The following GULP1 variants were observed in gnomAD, a reference collection of about 807,000 sequenced individuals.
GULP1 encodes the protein GULP PTB domain containing engulfment adaptor 1, also known as PTB domain-containing engulfment adapter protein 1.
A neutral mutation model predicts 40.9 loss-of-function variants in GULP1; 19 were observed. The observed-to-expected ratio is 0.46, with a 90% confidence interval of 0.32 to 0.68. The LOEUF (loss-of-function observed/expected upper bound fraction) is 0.68. Among genes scored for constraint, GULP1 ranks in the 30% least tolerant of loss-of-function variants. The pLI is 0.03. For missense variants in GULP1, 312 were observed against 362.2 expected (o/e 0.86, Z 1.12); for synonymous variants, 119 against 117.6 (o/e 1.01, Z -0.08).
intron 7 of GULP1, among the ~76,000 whole-genome samples, chr2:188,549,496 C>T (rs1169890599): frequency 1.3e-5 from 2 of 151,590 alleles, no homozygotes; most frequent in African/African-American, 4.8e-5. Flanking sequence ...TCACCAAATG[C>T]TGGTAAGAAT....
At chr2:188,457,903 T>A (rs1039951126) in intron 2 of GULP1, among the ~76,000 whole-genome samples, 12 of 152,174 alleles carry the variant, frequency 7.9e-5, no homozygotes, top group African/African-American at 2.9e-4. Flanking sequence ...CATAAGGTCA[T>A]TATAATTGTA....
intron 1 of GULP1, among the ~76,000 whole-genome samples, chr2:188,312,755 T>TC (rs1387308234): frequency 1.3e-5 from 2 of 152,072 alleles, no homozygotes; most frequent in African/African-American, 4.8e-5. Flanking sequence ...TAATTTACAT[T>TC]CCCCCCAACA....
intron 1 of GULP1, among the ~76,000 whole-genome samples, chr2:188,320,095 T>C (rs2039745147): frequency 6.6e-6 from 1 of 152,112 alleles, no homozygotes; most frequent in South Asian, 2.1e-4. Flanking sequence ...TGTTGTCAAA[T>C]GTCCCTGGGA....
At chr2:188,326,543 A>G (rs368636858) in intron 1 of GULP1, among the ~76,000 whole-genome samples, 2 of 151,800 alleles carry the variant, frequency 1.3e-5, no homozygotes, top group East Asian at 1.9e-4. Context: ...TGCTGTTGTG[A>G]CTCTTATCAG....
intron 9 of GULP1, among the ~76,000 whole-genome samples, chr2:188,570,791 A>AT (rs1559391683): frequency 6.6e-6 from 1 of 152,106 alleles, no homozygotes; most frequent in Non-Finnish European, 1.5e-5. Context: ...AGGAAAAGAT[A>AT]TTTTTCTGTT....
intron 7 of GULP1, among the ~76,000 whole-genome samples, chr2:188,548,546 G>T (rs1467943306): frequency 6.6e-6 from 1 of 151,996 alleles, no homozygotes; most frequent in Non-Finnish European, 1.5e-5. Context: ...TTATAGCAAG[G>T]TTGTTTGTAG....
chr2:188,397,801 T>C (rs945753909), intron 2 of GULP1, among the ~76,000 whole-genome samples: 13 of 152,198 alleles, frequency 8.5e-5, no homozygotes, highest in Admixed American at 6.5e-4. Flanking sequence ...CAGAGCTGCC[T>C]TATGATATGG....
At chr2:188,444,420 A>C (rs1184571296) in intron 2 of GULP1, among the ~76,000 whole-genome samples, 3 of 152,232 alleles carry the variant, frequency 2.0e-5, no homozygotes, top group African/African-American at 7.2e-5. Flanking sequence ...TATTAAAAAA[A>C]CAAATTATAC....
rs754543929 is a variant in GULP1, at chr2:188,541,451, T to C, written c.399+133T>C. The C allele has an allele frequency of 2.3e-5, 18 of 784,122 alleles. No homozygotes were observed. In the South Asian group the frequency reaches 2.5e-4, roughly 11 times the overall value. The allele number at this position is 784,122 out of a possible 1,614,324, so 48.6% of individuals were successfully genotyped here. A position where few individuals can be genotyped will look rare whatever the true frequency, so the allele number is the denominator to read the frequency against. On this transcript the variant is annotated intron_variant, in intron 7 of 11. Transcript: ENST00000409830. ...TATTCTGTAAAAAGTCTGTAAATAC[T>C]TAGCTGTACTAATAGATTTATTTTG...
At chr2:188,338,653 T>C (rs933808496) in intron 1 of GULP1, among the ~76,000 whole-genome samples, 1 of 152,098 alleles carries the variant, frequency 6.6e-6, no homozygotes, top group African/African-American at 2.4e-5. Flanking sequence ...TTCAATAAAA[T>C]ATGTCATCAG....
chr2:188,431,489 A>G (rs1311949261), intron 2 of GULP1, among the ~76,000 whole-genome samples: 1 of 152,200 alleles, frequency 6.6e-6, no homozygotes, highest in Non-Finnish European at 1.5e-5. Context: ...ATTATATAGA[A>G]TTAAAAATTT....
chr2:188,320,646 A>C (rs2039833510), intron 1 of GULP1, among the ~76,000 whole-genome samples: 1 of 152,178 alleles, frequency 6.6e-6, no homozygotes. Flanking sequence ...AAAATAAAAC[A>C]AACAGGCTTT....
At chr2:188,398,667 G>A (rs557358064) in intron 2 of GULP1, among the ~76,000 whole-genome samples, 95 of 152,086 alleles carry the variant, frequency 6.2e-4, no homozygotes, top group African/African-American at 2.1e-3. Context: ...TAAACTGTAG[G>A]CCTTTTTTAG....
intron 2 of GULP1, among the ~76,000 whole-genome samples, chr2:188,414,216 C>CAAAAAAAAAAA (rs774779119): frequency 2.7e-4 from 12 of 44,566 alleles, no homozygotes; most frequent in East Asian, 6.7e-4. Context: ...GACTCCATCT[C>CAAAAAAAAAAA]AAAAAAAAAA....
At chr2:188,345,344 A>G (rs1410322075) in intron 1 of GULP1, among the ~76,000 whole-genome samples, 1 of 152,156 alleles carries the variant, frequency 6.6e-6, no homozygotes, top group Non-Finnish European at 1.5e-5. Flanking sequence ...ATTTTCTCAA[A>G]TCCTCTAACA....
intron 6 of GULP1, among the ~76,000 whole-genome samples, chr2:188,530,729 T>C (rs560538925): frequency 1.3e-5 from 2 of 152,302 alleles, no homozygotes; most frequent in East Asian, 3.9e-4. Flanking sequence ...AATAAATTCC[T>C]GTTGGATAAG....
At chr2:188,337,905 T>G (rs2042476826) in intron 1 of GULP1, among the ~76,000 whole-genome samples, 1 of 152,126 alleles carries the variant, frequency 6.6e-6, no homozygotes, top group Non-Finnish European at 1.5e-5. Context: ...CAGGGAGATT[T>G]CCTGTCTGTG....
chr2:188,525,590 T>A (rs747577062), intron 5 of GULP1, among the ~76,000 whole-genome samples: 2 of 147,384 alleles, frequency 1.4e-5, no homozygotes, highest in Non-Finnish European at 3.0e-5. Flanking sequence ...CAATTTGTGA[T>A]GTTTACATGT....
intron 9 of GULP1, among the ~76,000 whole-genome samples, chr2:188,573,513 T>TTC (rs1699549032): frequency 6.6e-6 from 1 of 152,214 alleles, no homozygotes; most frequent in East Asian, 1.9e-4. Flanking sequence ...CATCTGTTCT[T>TTC]TCTTATGAAA....
Sources: allele counts gnomAD v4.1 joint callset (sites outside exome capture counted in the v4.1 genomes callset), GRCh38; gene constraint gnomAD v4.1.1; transcripts MANE v1.5; gene names NCBI Gene and HGNC (gene_info 2026-07-23, HGNC 2026-07-21).